The following UBR3 variants were observed in gnomAD, a reference collection of about 807,000 sequenced individuals.
The protein encoded by UBR3 is ubiquitin protein ligase E3 component n-recognin 3, also known as E3 ubiquitin-protein ligase UBR3.
UBR3 carries 85 observed loss-of-function variants against 243.2 expected under a neutral mutation model. The observed-to-expected ratio is 0.35, with a 90% CI of 0.29 to 0.42. UBR3 has a LOEUF of 0.42. Among genes scored for constraint, UBR3 ranks in the 10% least tolerant of loss-of-function variants. The probability of loss-of-function intolerance (pLI) is 1.00; values close to 1 mark genes in which losing one functional copy is unlikely to be tolerated. For synonymous variants in UBR3, 748 were observed against 799.8 expected (o/e 0.94, Z 1.09); for missense variants, 1,686 against 2,300.8 (o/e 0.73, Z 5.47).
At chr2:169,921,712 G>T (rs548250024) in intron 11 of UBR3, among the ~76,000 whole-genome samples, 34 of 152,234 alleles carry the variant, frequency 2.2e-4, no homozygotes, top group Non-Finnish European at 4.1e-4. Context: ...CACTTAGGAA[G>T]CAGGCACAGT....
intron 24 of UBR3, among the ~76,000 whole-genome samples, chr2:169,963,789 A>G (rs929700836): frequency 2.6e-5 from 4 of 152,208 alleles, no homozygotes; most frequent in Non-Finnish European, 4.4e-5. Context: ...GAGGTTTTAC[A>G]ATGCTATTTT....
chr2:170,012,154 C>T (rs886140516), intron 29 of UBR3, among the ~76,000 whole-genome samples: 3 of 152,066 alleles, frequency 2.0e-5, no homozygotes, highest in African/African-American at 4.8e-5. Flanking sequence ...ATAAAAGGGA[C>T]GCTTGCTAAA....
chr2:169,857,383 G>C lies in UBR3; in HGVS notation c.546-14853G>C, dbSNP rs1013696240. On this transcript the variant is annotated intron_variant, in intron 1 of 38. Transcript: ENST00000272793. ...GCGCCCGGCCCCATTGTGTTCTGAG[G>C]TCTTACTTTATGTAATGTCAGTTTT... is the stretch of plus-strand genomic sequence containing the variant. Among the ~76,000 whole-genome samples the C allele has an allele frequency of 6.2e-4, 94 of 151,412 alleles. 2 individuals carry two copies. Among genetic ancestry groups the C allele is most frequent in the Non-Finnish European group, 2.9e-5 (2 of 67,848 alleles).
At chr2:169,899,699 G>C (rs2084738499) in intron 8 of UBR3, among the ~76,000 whole-genome samples, 1 of 151,870 alleles carries the variant, frequency 6.6e-6, no homozygotes, top group Non-Finnish European at 1.5e-5. Flanking sequence ...GCCTCCCTGT[G>C]TCCATGTGTT....
At chr2:169,892,424 C>T (rs2084411973) in intron 6 of UBR3, among the ~76,000 whole-genome samples, 1 of 152,190 alleles carries the variant, frequency 6.6e-6, no homozygotes. Flanking sequence ...TGTTTTCCTT[C>T]AGCCTGGTCA....
intron 1 of UBR3, among the ~76,000 whole-genome samples, chr2:169,833,743 T>C (rs1256760782): frequency 6.6e-6 from 1 of 152,072 alleles, no homozygotes; most frequent in African/African-American, 2.4e-5. Context: ...GTTACTTATG[T>C]GTTTAAAAGA....
intron 20 of UBR3, among the ~76,000 whole-genome samples, chr2:169,945,539 A>G (rs1463368322): frequency 6.6e-6 from 1 of 152,116 alleles, no homozygotes; most frequent in Non-Finnish European, 1.5e-5. Context: ...CTCGCCCACA[A>G]TTAAAACTGC....
In UBR3 at chr2:170,049,070, C is replaced by T. The variant is rs970201163; in HGVS notation, c.4661-6390C>T. Among the ~76,000 whole-genome samples, 8 of 152,190 alleles carry T rather than the reference C, an allele frequency of 5.3e-5. No homozygotes were observed. In the East Asian group the frequency reaches 1.5e-3, roughly 29 times the overall value. ...AAGGGTGTGGTCCCCCTTTACTTCTCCACTTCCCACCCCACTCCACCATGC... is the reference window on the plus strand; with the variant it reads ...AAGGGTGTGGTCCCCCTTTACTTCTTCACTTCCCACCCCACTCCACCATGC... On this transcript the variant is annotated intron_variant, in intron 32 of 38. Transcript: ENST00000272793.
chr2:169,882,669 G>A (rs1308723470), intron 5 of UBR3, among the ~76,000 whole-genome samples: 1 of 151,482 alleles, frequency 6.6e-6, no homozygotes, highest in Non-Finnish European at 1.5e-5. Context: ...TGAACCTGGA[G>A]GCAGAAGTTG....
At chr2:169,843,736 A>G (rs1288780366) in intron 1 of UBR3, among the ~76,000 whole-genome samples, 2 of 152,146 alleles carry the variant, frequency 1.3e-5, no homozygotes, top group Non-Finnish European at 2.9e-5. Flanking sequence ...CAAGAGGGAT[A>G]TTGTACTGTA....
chr2:170,018,052 A>T (rs1303931364), intron 30 of UBR3, among the ~76,000 whole-genome samples: 2 of 152,140 alleles, frequency 1.3e-5, no homozygotes, highest in Non-Finnish European at 2.9e-5. Context: ...TCAGTTATAT[A>T]AGACATATCT....
chr2:170,040,887 G>A lies in UBR3; in HGVS notation c.4562G>A (p.Gly1521Glu). The change falls in exon 32 of 39, where the codon GGA (glycine) becomes GAA (glutamate). Residue 1521 changes from glycine to glutamate, a missense_variant. Gly to Glu is a moderately conservative substitution (Grantham distance 98). This residue lies in a region of UBR3 where 371 missense variants were observed against 422.5 expected (regional missense o/e 0.88). Coordinates refer to ENST00000272793, the MANE Select transcript of UBR3 (RefSeq NM_172070.4). The part of the protein sequence containing the change: ...TQLEEMNPQL[G>E]YEEQQPEVPI... Reference sequence around the variant, plus strand: ...TGACTACATTTTTCTTTTAGGCTGGGATATGAAGAACAACAGCCTGAGGTT... The same window carrying A: ...TGACTACATTTTTCTTTTAGGCTGGAATATGAAGAACAACAGCCTGAGGTT... 1 of 1,612,766 alleles carries A rather than the reference G, an allele frequency of 6.2e-7. No individual in the cohort carries two copies. Among genetic ancestry groups the A allele is most frequent in the East Asian group, 2.2e-5 (1 of 44,736 alleles).
chr2:170,012,639 T>A (rs939584151), intron 29 of UBR3, among the ~76,000 whole-genome samples: 2 of 151,556 alleles, frequency 1.3e-5, no homozygotes, highest in African/African-American at 4.8e-5. Context: ...TTGCCTCTTG[T>A]ATAATATAGG....
intron 5 of UBR3, among the ~76,000 whole-genome samples, chr2:169,885,160 G>C (rs1454987731): frequency 1.3e-5 from 2 of 152,116 alleles, no homozygotes; most frequent in African/African-American, 4.8e-5. Context: ...ATAGGCCCAT[G>C]GGATTGTTAA....
intron 25 of UBR3, among the ~76,000 whole-genome samples, chr2:169,991,268 T>C (rs2089262424): frequency 6.6e-6 from 1 of 152,140 alleles, no homozygotes; most frequent in African/African-American, 2.4e-5. Flanking sequence ...GGAGACTTTA[T>C]AGAACAACTA....
At position 169,896,675 on chromosome 2, in the gene UBR3, A is replaced by G. The variant is rs2084605324; in HGVS notation, c.1405A>G (p.Ile469Val). The G allele has an allele frequency of 1.9e-6, 3 of 1,551,306 alleles. No homozygotes were observed. The highest frequency in any genetic ancestry group is 2.6e-6 in the Non-Finnish European group (3 of 1,146,790). ...AACAGAAGAATGTCAGCTGCTGGAT[A>G]TTATGGTCACTGTGCTATTATACAT... Reference protein sequence around the residue: ...QVTEECQLLDIMVTVLLYMME... With the variant: ...QVTEECQLLDVMVTVLLYMME... Residue 469 changes from isoleucine to valine, a missense_variant, in exon 8 of 39, where the codon ATT (isoleucine) becomes GTT (valine). By Grantham distance (29) the Ile-to-Val change is conservative. Transcript: ENST00000272793.
chr2:169,858,179 A>T (rs950474982), intron 1 of UBR3, among the ~76,000 whole-genome samples: 1 of 152,180 alleles, frequency 6.6e-6, no homozygotes, highest in African/African-American at 2.4e-5. Context: ...ATAAAAATCT[A>T]AGTTGGCACT....
At chr2:170,061,295 CA>C in intron 34 of UBR3, 22 bp from the exon 35 acceptor site, 1 of 1,607,506 alleles carries the variant, frequency 6.2e-7, no homozygotes, top group Non-Finnish European at 8.5e-7. Context: ...CTGACTTGTT[CA>C]AATTTTCTTT....
chr2:170,041,973 AC>A (rs1234737733), intron 32 of UBR3, among the ~76,000 whole-genome samples: 1 of 151,898 alleles, frequency 6.6e-6, no homozygotes, highest in Admixed American at 6.6e-5. Context: ...AATAAAACTT[AC>A]CATTTAAACA....
Sources: gnomAD v4.1 joint callset for allele counts (sites outside exome capture counted in the v4.1 genomes callset) on GRCh38, gnomAD v4.1.1 for gene constraint, gnomAD v4.1.1 regional missense constraint, MANE v1.5 for transcripts, NCBI Gene and HGNC (gene_info 2026-07-23, HGNC 2026-07-21) for gene names.